PCDHGA8: variants seen among roughly 807,000 people sequenced by gnomAD.
PCDHGA8 encodes the protein protocadherin gamma subfamily A, 8.
In PCDHGA8, 45 loss-of-function variants were observed where a neutral mutation model predicts 59.2. That is an observed-to-expected ratio of 0.76 (90% CI 0.60 to 0.98). PCDHGA8 has a LOEUF of 0.98. Ranked by LOEUF, PCDHGA8 falls within the 50% of genes least tolerant of loss-of-function variation. The probability of loss-of-function intolerance (pLI) is 0.00; values close to 1 mark genes in which losing one functional copy is unlikely to be tolerated. For synonymous variants in PCDHGA8, 531 were observed against 519.0 expected, an observed-to-expected ratio of 1.02 and a Z score of -0.32; for missense variants, 1,257 against 1,196.2, an observed-to-expected ratio of 1.05 and a Z score of -0.75.
chr5:141,410,682 C>T (rs1589771736), intron 1 of PCDHGA8: 2 of 1,531,954 alleles, frequency 1.3e-6, no homozygotes, highest in South Asian at 1.2e-5. Context: ...ATATTTTAGG[C>T]ATACTACTTT....
intron 1 of PCDHGA8, chr5:141,418,347 G>C: frequency 6.2e-7 from 1 of 1,614,024 alleles, no homozygotes; most frequent in Non-Finnish European, 8.5e-7. Context: ...CCTGATATTA[G>C]TATGAATTCG....
intron 3 of PCDHGA8, among the ~76,000 whole-genome samples, chr5:141,506,300 T>G (rs2099852124): frequency 6.6e-6 from 1 of 151,976 alleles, no homozygotes; most frequent in East Asian, 1.9e-4. Flanking sequence ...AATACAAAAA[T>G]TAGCTGGGCA....
At chr5:141,449,101 G>T (rs1020443363) in intron 1 of PCDHGA8, among the ~76,000 whole-genome samples, 3 of 152,144 alleles carry the variant, frequency 2.0e-5, no homozygotes, top group Non-Finnish European at 4.4e-5. Flanking sequence ...TACATATGCA[G>T]TATATCTTTG....
At chr5:141,404,211 T>G in intron 1 of PCDHGA8, 1 of 1,613,724 alleles carries the variant, frequency 6.2e-7, no homozygotes, top group East Asian at 2.2e-5. Context: ...GAATATAATA[T>G]CACGGTGACT....
chr5:141,481,288 A>AGTC (rs2099535099), intron 1 of PCDHGA8, among the ~76,000 whole-genome samples: 1 of 152,188 alleles, frequency 6.6e-6, no homozygotes, highest in Admixed American at 6.5e-5. Flanking sequence ...ATGGTATTTC[A>AGTC]GTCATCTAAG....
At chr5:141,498,530 A>G (rs1275299749) in intron 2 of PCDHGA8, among the ~76,000 whole-genome samples, 1 of 149,364 alleles carries the variant, frequency 6.7e-6, no homozygotes, top group Non-Finnish European at 1.5e-5. Flanking sequence ...ACTGCCCTCC[A>G]GCCTGGTCTG....
In PCDHGA8 at chr5:141,476,477, G is replaced by T. The variant is rs768824553; in HGVS notation, c.2425-18330G>T. The T allele has an allele frequency of 1.9e-6, 3 of 1,614,078 alleles. No homozygotes were observed. The highest frequency in any genetic ancestry group is 1.7e-5 in the Admixed American group (1 of 60,016). Reference sequence around the variant, plus strand: ...GGAGAACCCGCTGGAGCTGTTCAGCGTGGAAGTGGTGATCCAGGACATCAA... The same window carrying T: ...GGAGAACCCGCTGGAGCTGTTCAGCTTGGAAGTGGTGATCCAGGACATCAA... On this transcript the variant is annotated intron_variant, in intron 1 of 3. Coordinates refer to ENST00000398604, the MANE Select transcript of PCDHGA8 (RefSeq NM_032088.2). This position sits in a 1 kb window ranked among gnomAD's most constrained non-coding sequence, Gnocchi z 7.6.
chr5:141,436,140 A>G (rs1324666699), intron 1 of PCDHGA8, among the ~76,000 whole-genome samples: 2 of 152,224 alleles, frequency 1.3e-5, no homozygotes, highest in Non-Finnish European at 2.9e-5. Flanking sequence ...TCTTGTATGA[A>G]CTACCAAAAT....
chr5:141,498,971 G>GGGAAGGAAGGAAGGAAGGAA (rs201769957), intron 2 of PCDHGA8, among the ~76,000 whole-genome samples: 36 of 111,052 alleles, frequency 3.2e-4, no homozygotes, highest in African/African-American at 9.0e-4. Context: ...GAGGGAGGGA[G>GGGAAGGAAGGAAGGAAGGAA]GGAAGGAAGG....
intron 1 of PCDHGA8, chr5:141,419,785 G>A (rs1268841728): frequency 1.2e-6 from 2 of 1,613,934 alleles, no homozygotes; most frequent in Non-Finnish European, 1.7e-6. Flanking sequence ...GCCAGCGCCT[G>A]CTAGTCGCTG....
chr5:141,490,811 A>G lies in PCDHGA8; in HGVS notation c.2425-3996A>G, dbSNP rs750702067. The G allele has an allele frequency of 1.2e-6, 2 of 1,613,918 alleles. No homozygotes were observed. The highest frequency in any genetic ancestry group is 8.5e-7 in the Non-Finnish European group (1 of 1,179,884). On this transcript the variant is annotated intron_variant, in intron 1 of 3. Coordinates refer to ENST00000398604, the MANE Select transcript of PCDHGA8 (RefSeq NM_032088.2). This position sits in a 1 kb window ranked among gnomAD's most constrained non-coding sequence, Gnocchi z 5.4. ...ATCTTTGCCCAGCGTACCTTTGACTATGAATTGCTGCAGATGCTGCAGATT... is the reference window on the plus strand; with the variant it reads ...ATCTTTGCCCAGCGTACCTTTGACTGTGAATTGCTGCAGATGCTGCAGATT...
At position 141,489,720 on chromosome 5, in the gene PCDHGA8, G is replaced by T. The variant is rs560729125; in HGVS notation, c.2425-5087G>T. 1.9e-6 allele frequency: 3 copies of T among 1,614,200 alleles called. No individual in the cohort carries two copies. Among genetic ancestry groups the T allele is most frequent in the Middle Eastern group, 1.6e-4 (1 of 6,062 alleles). ...TCCCACTGGACAGTGCCCAGGATCC[G>T]GATGTGGGCACCAATACTGTGAGCT... On this transcript the variant is annotated intron_variant, in intron 1 of 3. Transcript: ENST00000398604. This position sits in a 1 kb window ranked among gnomAD's most constrained non-coding sequence, Gnocchi z 4.5.
At chr5:141,398,071 G>C in intron 1 of PCDHGA8, 1 of 1,587,000 alleles carries the variant, frequency 6.3e-7, no homozygotes, top group South Asian at 1.1e-5. Context: ...ACAATACAGA[G>C]GTTATTTGTA....
At chr5:141,446,231 C>T (rs1412899811) in intron 1 of PCDHGA8, among the ~76,000 whole-genome samples, 2 of 152,176 alleles carry the variant, frequency 1.3e-5, no homozygotes, top group African/African-American at 2.4e-5. Flanking sequence ...TGTTGCCTGG[C>T]AAGTGGTAGA....
intron 1 of PCDHGA8, among the ~76,000 whole-genome samples, chr5:141,482,161 G>A (rs2099554171): frequency 6.6e-6 from 1 of 152,008 alleles, no homozygotes; most frequent in Non-Finnish European, 1.5e-5. Context: ...TCAAAGATAT[G>A]TAAGATTAAG....
chr5:141,408,131 G>C, intron 1 of PCDHGA8: 1 of 1,482,338 alleles, frequency 6.7e-7, no homozygotes, highest in South Asian at 1.4e-5. Flanking sequence ...TGGGCCGAAT[G>C]CTCTTTTAGC....
intron 1 of PCDHGA8, among the ~76,000 whole-genome samples, chr5:141,463,087 C>T (rs971667191): frequency 6.6e-6 from 1 of 152,120 alleles, no homozygotes; most frequent in Non-Finnish European, 1.5e-5. Context: ...CATTTTCCAG[C>T]CCTATGTGAC....
Position 141,490,102 on chromosome 5 carries a change from G to A in PCDHGA8, c.2425-4705G>A, listed in dbSNP as rs377649214. On this transcript the variant is annotated intron_variant, in intron 1 of 3. Coordinates refer to ENST00000398604, the MANE Select transcript of PCDHGA8 (RefSeq NM_032088.2). The surrounding 1 kb of genome is among the most constrained non-coding windows in gnomAD (Gnocchi z 5.4). ...TTCTTTTGGAGACCACACATCTGAG[G>A]CAGTGCGGAACCTCTTTGGCCTAGA... 4.3e-6 allele frequency: 7 copies of A among 1,614,144 alleles called. No homozygotes were observed. The African/African-American group carries it at 9.3e-5, about 22-fold the overall frequency.
At chr5:141,458,803 G>A (rs2098953701) in intron 1 of PCDHGA8, among the ~76,000 whole-genome samples, 2 of 152,130 alleles carry the variant, frequency 1.3e-5, no homozygotes, top group African/African-American at 4.8e-5. Flanking sequence ...TGTGATCTCA[G>A]CTCACTGCAA....
Sources: allele counts gnomAD v4.1 joint callset (sites outside exome capture counted in the v4.1 genomes callset), GRCh38; gene constraint gnomAD v4.1.1; non-coding constraint Gnocchi (gnomAD v3.1); transcripts MANE v1.5; gene names NCBI Gene and HGNC (gene_info 2026-07-23, HGNC 2026-07-21).